Variants in NRXN3 observed in about 807,000 individuals in gnomAD.
NRXN3 encodes neurexin 3.
Under a neutral mutation model 137.6 loss-of-function variants are expected in NRXN3, and 32 were observed. That is an observed-to-expected ratio of 0.23 (90% CI 0.18 to 0.31). The LOEUF (loss-of-function observed/expected upper bound fraction) is 0.31, where lower values mean the gene tolerates loss of function less well. NRXN3 is among the 10% of genes least tolerant of loss of function. NRXN3 has a pLI of 1.00. For missense variants in NRXN3, 1,574 were observed against 2,062.5 expected (o/e 0.76, Z 4.59); for synonymous variants, 798 against 784.5 (o/e 1.02, Z -0.29).
intron 16 of NRXN3, among the ~76,000 whole-genome samples, chr14:79,515,761 A>G (rs1204530188): frequency 6.6e-6 from 1 of 152,226 alleles, no homozygotes; most frequent in African/African-American, 2.4e-5. Flanking sequence ...CCCCATTAAT[A>G]GATAATGACA....
rs1185262363 is a variant in NRXN3, at chr14:78,439,847, A to G, written c.757+141987A>G. Reference sequence around the variant, plus strand: ...AGCGAACACCCACAAGTAGCTCCTGAGTAAATTATGTTGCATTTCTGACAT... The same window carrying G: ...AGCGAACACCCACAAGTAGCTCCTGGGTAAATTATGTTGCATTTCTGACAT... On this transcript the variant is annotated intron_variant, in intron 4 of 20. Coordinates refer to ENST00000335750, the MANE Select transcript of NRXN3 (RefSeq NM_001330195.2). 2.0e-5 allele frequency among the ~76,000 whole-genome samples: 3 copies of G among 152,228 alleles called. No individual in the cohort carries two copies. In the East Asian group the frequency reaches 5.8e-4, roughly 29 times the overall value.
At chr14:78,687,034 T>G (rs1567060015) in intron 6 of NRXN3, among the ~76,000 whole-genome samples, 1 of 152,074 alleles carries the variant, frequency 6.6e-6, no homozygotes. Context: ...GAGAAGATGA[T>G]GGAGTGCATT....
chr14:79,170,909 T>C (rs926309373), intron 15 of NRXN3, among the ~76,000 whole-genome samples: 2 of 152,132 alleles, frequency 1.3e-5, no homozygotes, highest in Non-Finnish European at 1.5e-5. Flanking sequence ...TATCTGATCC[T>C]GTCACCAATC....
intron 15 of NRXN3, among the ~76,000 whole-genome samples, chr14:79,166,713 A>G (rs2061318464): frequency 6.6e-6 from 1 of 151,768 alleles, no homozygotes; most frequent in Non-Finnish European, 1.5e-5. Flanking sequence ...TTTTAAAAAG[A>G]ACCATCTTTG....
At chr14:78,972,637 C>G (rs944732913) in intron 14 of NRXN3, among the ~76,000 whole-genome samples, 2 of 152,134 alleles carry the variant, frequency 1.3e-5, no homozygotes, top group Admixed American at 6.5e-5. Context: ...TGATGCGCCC[C>G]TGCCCTGCTC....
intron 20 of NRXN3, chr14:79,853,767 A>T: frequency 9.7e-7 from 1 of 1,036,084 alleles, no homozygotes; most frequent in Admixed American, 5.1e-5. Flanking sequence ...ATTTGTCAAA[A>T]AGACAAAAAA....
Position 79,730,944 on chromosome 14 carries a change from G to A in NRXN3, c.4014+33007G>A, listed in dbSNP as rs568312576. 2.0e-5 allele frequency among the ~76,000 whole-genome samples: 3 copies of A among 152,228 alleles called. No homozygotes were observed. The East Asian group carries it at 5.8e-4, about 29-fold the overall frequency. The stretch of plus-strand genomic sequence containing the variant: ...TGTAAAATGAGTCTTAGTAGGAAAG[G>A]GGGCATTAGCAAAGTAATCCCTGTG... On this transcript the variant is annotated intron_variant, in intron 19 of 20. Transcript: ENST00000335750.
intron 15 of NRXN3, among the ~76,000 whole-genome samples, chr14:79,407,303 A>G (rs2095333059): frequency 6.6e-6 from 1 of 152,146 alleles, no homozygotes; most frequent in Non-Finnish European, 1.5e-5. Flanking sequence ...TTTGAGATTA[A>G]TAGATATAAT....
rs1566938770 is a variant in NRXN3, at chr14:78,191,559, C to T, written c.-704+20885C>T. 2.0e-5 allele frequency among the ~76,000 whole-genome samples: 3 copies of T among 152,170 alleles called. No homozygotes were observed. In the South Asian group the frequency reaches 6.2e-4, roughly 32 times the overall value. On this transcript the variant is annotated intron_variant, in intron 1 of 20. Coordinates refer to ENST00000335750, the MANE Select transcript of NRXN3 (RefSeq NM_001330195.2). Reference sequence around the variant, plus strand: ...GCCTCCGCTGCAATAGTCCCTTTCCCATAGCTCCCCACCCTGATCTAGAGT... The same window carrying T: ...GCCTCCGCTGCAATAGTCCCTTTCCTATAGCTCCCCACCCTGATCTAGAGT...
intron 1 of NRXN3, among the ~76,000 whole-genome samples, chr14:78,173,406 G>A (rs1452189317): frequency 6.6e-6 from 1 of 151,668 alleles, no homozygotes; most frequent in Non-Finnish European, 1.5e-5. Context: ...CACCAGCTTT[G>A]GGGGCATGGA....
chr14:78,917,093 G>A (rs1285979571), intron 10 of NRXN3, among the ~76,000 whole-genome samples: 3 of 152,100 alleles, frequency 2.0e-5, no homozygotes, highest in South Asian at 2.1e-4. Flanking sequence ...TTCAACATAC[G>A]AGTGTTTGGA....
At chr14:79,358,629 G>GAAAGAAA (rs2093555164) in intron 15 of NRXN3, among the ~76,000 whole-genome samples, 1 of 148,394 alleles carries the variant, frequency 6.7e-6, no homozygotes, top group Non-Finnish European at 1.5e-5. Flanking sequence ...AAGAAAGAAA[G>GAAAGAAA]AAAGAAAGAA....
intron 10 of NRXN3, among the ~76,000 whole-genome samples, chr14:78,812,900 A>G (rs1387214332): frequency 2.0e-5 from 3 of 152,228 alleles, no homozygotes; most frequent in African/African-American, 7.2e-5. Flanking sequence ...ACAGTGCTCA[A>G]TGGTTGACCA....
At chr14:78,313,749 C>G (rs1349350010) in intron 4 of NRXN3, among the ~76,000 whole-genome samples, 4 of 151,936 alleles carry the variant, frequency 2.6e-5, no homozygotes, top group Non-Finnish European at 5.9e-5. Context: ...ATATATTATT[C>G]TAATATATTC....
At chr14:79,050,696 T>G (rs1346381079) in intron 15 of NRXN3, among the ~76,000 whole-genome samples, 1 of 152,214 alleles carries the variant, frequency 6.6e-6, no homozygotes, top group Non-Finnish European at 1.5e-5. Context: ...TCCAAATCAA[T>G]GCAGACACTT....
intron 15 of NRXN3, among the ~76,000 whole-genome samples, chr14:79,435,784 A>G (rs2095838062): frequency 6.6e-6 from 1 of 152,106 alleles, no homozygotes; most frequent in East Asian, 1.9e-4. Flanking sequence ...ATAGGCATGG[A>G]CCATCACACT....
intron 17 of NRXN3, among the ~76,000 whole-genome samples, chr14:79,680,601 G>A (rs1352946048): frequency 2.6e-5 from 4 of 151,908 alleles, no homozygotes; most frequent in Admixed American, 2.0e-4. Flanking sequence ...GTATTCAAAG[G>A]GTATTCATAC....
intron 10 of NRXN3, among the ~76,000 whole-genome samples, chr14:78,880,218 C>T (rs1260781578): frequency 6.7e-5 from 8 of 120,122 alleles, no homozygotes; most frequent in Admixed American, 1.1e-4. Flanking sequence ...CCAGCCTGGG[C>T]GACAGAGCGA....
intron 1 of NRXN3, among the ~76,000 whole-genome samples, chr14:78,184,896 C>T (rs1303075768): frequency 6.6e-6 from 1 of 152,168 alleles, no homozygotes; most frequent in Middle Eastern, 3.2e-3. Context: ...GCTGGTGTTG[C>T]TCGAGTTTGG....
Sources: gnomAD v4.1 joint callset for allele counts (sites outside exome capture counted in the v4.1 genomes callset) on GRCh38, gnomAD v4.1.1 for gene constraint, MANE v1.5 for transcripts, NCBI Gene and HGNC (gene_info 2026-07-23, HGNC 2026-07-21) for gene names.